Variants in CTTNBP2 observed in about 807,000 individuals in gnomAD.
CTTNBP2 encodes the protein cortactin binding protein 2, also known as cortactin-binding protein 2.
CTTNBP2 carries 108 observed loss-of-function variants against 156.9 expected under a neutral mutation model. The ratio of observed to expected loss-of-function variants is 0.69; its 90% CI spans 0.59 to 0.81. The LOEUF (loss-of-function observed/expected upper bound fraction) is 0.81. Ranked by LOEUF, CTTNBP2 falls within the 30% of genes least tolerant of loss-of-function variation. The pLI is 0.00. For synonymous variants in CTTNBP2, 767 were observed against 751.8 expected, an observed-to-expected ratio of 1.02 and a Z score of -0.33; for missense variants, 1,924 against 2,035.4, an observed-to-expected ratio of 0.95 and a Z score of 1.05.
At chr7:117,853,456 C>A (rs2193264) in intron 2 of CTTNBP2, among the ~76,000 whole-genome samples, 1 of 151,926 alleles carries the variant, frequency 6.6e-6, no homozygotes, top group Non-Finnish European at 1.5e-5. Flanking sequence ...CTCTTATAAT[C>A]AAAACATAGA....
chr7:117,834,717 G>A (rs1349219305), intron 2 of CTTNBP2, among the ~76,000 whole-genome samples: 2 of 152,108 alleles, frequency 1.3e-5, no homozygotes, highest in Non-Finnish European at 2.9e-5. Context: ...TTTTTAGTGC[G>A]AGTCATAAAC....
intron 1 of CTTNBP2, among the ~76,000 whole-genome samples, chr7:117,872,631 G>A (rs1193320613): frequency 6.6e-6 from 1 of 152,156 alleles, no homozygotes; most frequent in Admixed American, 6.5e-5. Context: ...ACAATGTCTT[G>A]AAACCAGGTG....
chr7:117,722,951 A>AT (rs1794886135), intron 19 of CTTNBP2, among the ~76,000 whole-genome samples: 1 of 152,208 alleles, frequency 6.6e-6, no homozygotes, highest in South Asian at 2.1e-4. Flanking sequence ...AATGGAGATC[A>AT]TTATCATTGT....
chr7:117,819,210 A>G (rs1002824637), intron 2 of CTTNBP2, among the ~76,000 whole-genome samples: 51 of 152,290 alleles, frequency 3.3e-4, no homozygotes, highest in African/African-American at 1.2e-3. Context: ...CTCTTTTAAG[A>G]AGGAAGGGGG....
At chr7:117,719,410 T>TC (rs1037882666) in intron 21 of CTTNBP2, 94 bp downstream of exon 21, 1 of 1,190,136 alleles carries the variant, frequency 8.4e-7, no homozygotes, top group African/African-American at 1.5e-5. Context: ...AACCATACTA[T>TC]CAATAAGGAA....
intron 3 of CTTNBP2, among the ~76,000 whole-genome samples, chr7:117,802,437 C>CAAAAAAAAAAAAAAAA (rs759797673): frequency 6.0e-5 from 5 of 83,776 alleles, no homozygotes; most frequent in East Asian, 5.1e-4. Flanking sequence ...TCAGCATTGG[C>CAAAAAAAAAAAAAAAA]AAAAAAAAAA....
At chr7:117,839,571 G>A (rs575480921) in intron 2 of CTTNBP2, among the ~76,000 whole-genome samples, 1 of 152,272 alleles carries the variant, frequency 6.6e-6, no homozygotes, top group Non-Finnish European at 1.5e-5. Flanking sequence ...GGTACTTTTT[G>A]TTAATTGATT....
At chr7:117,728,492 G>A (rs1281001849) in intron 16 of CTTNBP2, among the ~76,000 whole-genome samples, 2 of 152,150 alleles carry the variant, frequency 1.3e-5, no homozygotes, top group East Asian at 1.9e-4. Flanking sequence ...ATGAGCCTGA[G>A]TTAGGCATTT....
chr7:117,746,490 A>G (rs1796338972), intron 12 of CTTNBP2, among the ~76,000 whole-genome samples: 1 of 152,240 alleles, frequency 6.6e-6, no homozygotes, highest in Non-Finnish European at 1.5e-5. Context: ...TTCGTGGTTA[A>G]AACAGTAATG....
At chr7:117,802,334 C>CA (rs1438060052) in intron 3 of CTTNBP2, among the ~76,000 whole-genome samples, 21 of 145,618 alleles carry the variant, frequency 1.4e-4, no homozygotes, top group Non-Finnish European at 3.0e-4. Context: ...TCAACATATA[C>CA]AAAAAATAAC....
chr7:117,761,897 C>A (rs1797237007), intron 9 of CTTNBP2, among the ~76,000 whole-genome samples: 1 of 152,122 alleles, frequency 6.6e-6, no homozygotes, highest in Admixed American at 6.5e-5. Context: ...ATATGATCCT[C>A]TTCTTAAACT....
At chr7:117,817,342 A>AT (rs1178638889) in intron 2 of CTTNBP2, among the ~76,000 whole-genome samples, 14 of 63,104 alleles carry the variant, frequency 2.2e-4, no homozygotes, top group East Asian at 4.9e-4. Context: ...TCAAAAAAAA[A>AT]AAAAAAAAAA....
chr7:117,856,551 A>C (rs1050295497), intron 2 of CTTNBP2, among the ~76,000 whole-genome samples: 1 of 152,242 alleles, frequency 6.6e-6, no homozygotes, highest in Admixed American at 6.5e-5. Context: ...AATGCATTCT[A>C]TCTGAAGAAA....
chr7:117,729,599 A>G (rs556410882), intron 16 of CTTNBP2, among the ~76,000 whole-genome samples: 1 of 152,340 alleles, frequency 6.6e-6, no homozygotes, highest in Admixed American at 6.5e-5. Flanking sequence ...GCTAATGAAG[A>G]GCAAGTGGTC....
chr7:117,735,458 T>A (rs1472439184), intron 14 of CTTNBP2, 37 bp from the exon 15 acceptor site: 1 of 1,563,454 alleles, frequency 6.4e-7, no homozygotes, highest in East Asian at 2.2e-5. Flanking sequence ...TTCAAGCTTT[T>A]GACAAAAATT....
intron 2 of CTTNBP2, among the ~76,000 whole-genome samples, chr7:117,840,542 A>G (rs543225241): frequency 1.3e-5 from 2 of 152,098 alleles, no homozygotes; most frequent in Non-Finnish European, 2.9e-5. Context: ...AACAACAACA[A>G]AAATTCTTTT....
chr7:117,847,321 A>G (rs2117170413), intron 2 of CTTNBP2, among the ~76,000 whole-genome samples: 1 of 152,332 alleles, frequency 6.6e-6, no homozygotes, highest in Middle Eastern at 3.4e-3. Context: ...AGATCACTTG[A>G]GGCCAGGAGT....
At chr7:117,816,547 G>C (rs1010618206) in intron 2 of CTTNBP2, among the ~76,000 whole-genome samples, 1 of 151,990 alleles carries the variant, frequency 6.6e-6, no homozygotes, top group South Asian at 2.1e-4. Flanking sequence ...TCTTCTTCTT[G>C]TGCTCATGTC....
intron 2 of CTTNBP2, among the ~76,000 whole-genome samples, chr7:117,856,907 T>C (rs1803363967): frequency 6.6e-6 from 1 of 152,204 alleles, no homozygotes; most frequent in South Asian, 2.1e-4. Context: ...CCTGTAAGAA[T>C]ACCAGTAGCA....
Sources: allele counts gnomAD v4.1 joint callset (sites outside exome capture counted in the v4.1 genomes callset), GRCh38; gene constraint gnomAD v4.1.1; transcripts MANE v1.5; gene names NCBI Gene and HGNC (gene_info 2026-07-23, HGNC 2026-07-21).